The following GRM7 variants were observed in gnomAD, a reference collection of about 807,000 sequenced individuals.
The protein encoded by GRM7 is metabotropic glutamate receptor 7.
In GRM7, 35 loss-of-function variants were observed where a neutral mutation model predicts 84.5. That is an observed-to-expected ratio of 0.41 (90% CI 0.32 to 0.55). The LOEUF is 0.55. Ranked by LOEUF, GRM7 falls within the 20% of genes least tolerant of loss-of-function variation. The pLI is 0.19. For missense variants in GRM7, 1,003 were observed against 1,194.6 expected (o/e 0.84, Z 2.36); for synonymous variants, 487 against 455.1 (o/e 1.07, Z -0.89).
intron 1 of GRM7, among the ~76,000 whole-genome samples, chr3:7,081,157 T>C (rs916153575): frequency 6.6e-6 from 1 of 152,074 alleles, no homozygotes; most frequent in African/African-American, 2.4e-5. Flanking sequence ...CTTGTTTTAT[T>C]ATGCCTCACG....
intron 1 of GRM7, among the ~76,000 whole-genome samples, chr3:7,016,198 G>C (rs1027247489): frequency 2.0e-5 from 3 of 151,968 alleles, no homozygotes; most frequent in African/African-American, 7.3e-5. Flanking sequence ...TCTTTCTTTG[G>C]GTCACATTTT....
intron 7 of GRM7, among the ~76,000 whole-genome samples, chr3:7,515,211 CAA>C (rs35576148): frequency 0.029 from 3,775 of 128,768 alleles, 57 homozygotes; most frequent in South Asian, 0.06. Context: ...TGTAGAAGGA[CAA>C]AAAAAAAAAA....
At chr3:7,321,525 T>C (rs1261720099) in intron 4 of GRM7, among the ~76,000 whole-genome samples, 3 of 152,218 alleles carry the variant, frequency 2.0e-5, no homozygotes, top group South Asian at 4.1e-4. Context: ...CCTGTTCTTA[T>C]ACAACAAACC....
intron 8 of GRM7, among the ~76,000 whole-genome samples, chr3:7,631,053 C>G (rs907878606): frequency 6.6e-5 from 10 of 152,190 alleles, no homozygotes; most frequent in Admixed American, 6.5e-4. Context: ...TGTTCTGATT[C>G]CTAGCAGACT....
At chr3:7,336,193 C>G (rs1683319712) in intron 4 of GRM7, among the ~76,000 whole-genome samples, 1 of 151,808 alleles carries the variant, frequency 6.6e-6, no homozygotes, top group African/African-American at 2.4e-5. Context: ...AGATAATATG[C>G]CACGATCAAG....
intron 5 of GRM7, among the ~76,000 whole-genome samples, chr3:7,428,558 T>C (rs3792484): frequency 6.6e-6 from 1 of 152,120 alleles, no homozygotes; most frequent in African/African-American, 2.4e-5. Context: ...GCTCATGATA[T>C]CACTTGGGTT....
At chr3:6,911,742 T>A (rs1262219719) in intron 1 of GRM7, among the ~76,000 whole-genome samples, 1 of 152,196 alleles carries the variant, frequency 6.6e-6, no homozygotes, top group Non-Finnish European at 1.5e-5. Flanking sequence ...GTTTTAAAAC[T>A]TTTTTGTTTA....
At chr3:7,658,284 T>C (rs1254930129) in intron 8 of GRM7, among the ~76,000 whole-genome samples, 1 of 152,178 alleles carries the variant, frequency 6.6e-6, no homozygotes. Context: ...TCCAAATAAA[T>C]GCTCACTGTA....
chr3:7,027,037 C>T (rs1393656589), intron 1 of GRM7, among the ~76,000 whole-genome samples: 1 of 152,222 alleles, frequency 6.6e-6, no homozygotes, highest in Admixed American at 6.5e-5. Context: ...TGTGTTCTGC[C>T]TGTGTAGCTC....
intron 8 of GRM7, among the ~76,000 whole-genome samples, chr3:7,588,923 A>C (rs1467460970): frequency 6.6e-6 from 1 of 152,210 alleles, no homozygotes; most frequent in African/African-American, 2.4e-5. Context: ...ATATATAAGG[A>C]GTCAGTTGTT....
In GRM7 at chr3:7,619,491, G is replaced by T. The variant is rs373336290; in HGVS notation, c.2451+40134G>T. Among the ~76,000 whole-genome samples, 41 of 151,980 alleles carry T rather than the reference G, an allele frequency of 2.7e-4. 1 individual carries two copies. The highest frequency in any genetic ancestry group is 8.4e-4 in the African/African-American group (35 of 41,482). On this transcript the variant is annotated intron_variant, in intron 8 of 9. Transcript: ENST00000357716. The stretch of plus-strand genomic sequence containing the variant: ...AAAGGCCCAAACCAAGACATTCCGG[G>T]CCTATATACTAAACTGTAGAATGTT...
chr3:7,181,710 G>A (rs942146698), intron 2 of GRM7, among the ~76,000 whole-genome samples: 1 of 152,086 alleles, frequency 6.6e-6, no homozygotes, highest in East Asian at 1.9e-4. Flanking sequence ...CCGGGCTCAA[G>A]TCATCCTCTT....
At position 7,119,815 on chromosome 3, in the gene GRM7, C is replaced by G. The variant is rs373804603; in HGVS notation, c.520-26637C>G. ...AGGTTTATTCAACGTAGAACAAAAT[C>G]AGGTCAATATCTTAGAAGATGACTT... On this transcript the variant is annotated intron_variant, in intron 1 of 9. Transcript: ENST00000357716. Among the ~76,000 whole-genome samples, 9 of 152,176 alleles carry G rather than the reference C, an allele frequency of 5.9e-5. No individual in the cohort carries two copies. The East Asian group carries it at 1.7e-3, about 29-fold the overall frequency.
At chr3:7,633,412 C>G (rs1697940340) in intron 8 of GRM7, among the ~76,000 whole-genome samples, 1 of 152,006 alleles carries the variant, frequency 6.6e-6, no homozygotes, top group African/African-American at 2.4e-5. Context: ...AAATGAGGAA[C>G]TTTTTTTTCC....
intron 1 of GRM7, among the ~76,000 whole-genome samples, chr3:7,033,373 T>C (rs1208367301): frequency 2.0e-5 from 3 of 152,166 alleles, no homozygotes; most frequent in African/African-American, 4.8e-5. Flanking sequence ...ATATATAAAA[T>C]TATTTTGACT....
intron 2 of GRM7, among the ~76,000 whole-genome samples, chr3:7,216,458 C>T (rs1194324244): frequency 6.6e-6 from 1 of 152,122 alleles, no homozygotes; most frequent in Non-Finnish European, 1.5e-5. Context: ...TAAAGTAGTA[C>T]ATCCCCAAAC....
chr3:7,653,861 C>T (rs1699065325), intron 8 of GRM7, among the ~76,000 whole-genome samples: 1 of 152,140 alleles, frequency 6.6e-6, no homozygotes, highest in Non-Finnish European at 1.5e-5. Flanking sequence ...ACCCATTTTA[C>T]AGATGTAGAA....
chr3:7,315,475 G>C (rs1700550016), intron 4 of GRM7, among the ~76,000 whole-genome samples: 1 of 152,144 alleles, frequency 6.6e-6, no homozygotes, highest in African/African-American at 2.4e-5. Flanking sequence ...TCACCTCACA[G>C]TGTTTTCTAG....
chr3:7,061,488 G>A (rs529597631), intron 1 of GRM7, among the ~76,000 whole-genome samples: 15 of 151,806 alleles, frequency 9.9e-5, no homozygotes, highest in South Asian at 4.1e-4. Flanking sequence ...GTTCAAACCC[G>A]GAGTTGACTG....
Sources: allele counts gnomAD v4.1 joint callset (sites outside exome capture counted in the v4.1 genomes callset), GRCh38; gene constraint gnomAD v4.1.1; transcripts MANE v1.5; gene names NCBI Gene and HGNC (gene_info 2026-07-23, HGNC 2026-07-21).